Variants in CUL3 observed in about 807,000 individuals in gnomAD.
The protein encoded by CUL3 is cullin 3.
In CUL3, 19 loss-of-function variants were observed where a neutral mutation model predicts 89.1. The observed-to-expected ratio is 0.21, with a 90% CI of 0.15 to 0.31. The LOEUF (loss-of-function observed/expected upper bound fraction) is 0.31. Ranked by LOEUF, CUL3 falls within the 10% of genes least tolerant of loss-of-function variation. CUL3 has a pLI of 1.00. For synonymous variants in CUL3, 351 were observed against 308.4 expected (o/e 1.14, Z -1.45); for missense variants, 469 against 942.3 (o/e 0.50, Z 6.58).
intron 13 of CUL3, chr2:224,495,387 T>C (rs1417694313): frequency 1.3e-5 from 2 of 153,260 alleles, no homozygotes; most frequent in Non-Finnish European, 2.9e-5. Flanking sequence ...ACAGACAACA[T>C]GTATGATTCC....
rs1354847441 is a variant in CUL3 at position 224,495,898 on chromosome 2, C to T, written c.1776G>A (p.Leu592=). The T allele has an allele frequency of 1.9e-6, 3 of 1,613,684 alleles. No individual in the cohort carries two copies. ...TGGTCATCTGGAAAGTGGAAACTTGCAATATGTGCTTCCGTGTATTAGAGC... is the reference window on the plus strand; with the variant it reads ...TGGTCATCTGGAAAGTGGAAACTTGTAATATGTGCTTCCGTGTATTAGAGC... ...VTGSNTRKHI[L]QVSTFQMTIL... is the part of the protein sequence containing the mutation. Residue 592 remains leucine, a synonymous_variant, in exon 13 of 16, where the codon TTG becomes TTA. Coordinates refer to ENST00000264414, the MANE Select transcript of CUL3 (RefSeq NM_003590.5).
chr2:224,474,415 T>C, intron 15 of CUL3, 39 bp from the exon 16 acceptor site: 1 of 1,562,978 alleles, frequency 6.4e-7, no homozygotes, highest in African/African-American at 1.4e-5. Flanking sequence ...TATAAACACA[T>C]AAAAATTCGT....
intron 14 of CUL3, chr2:224,479,245 G>A (rs1691440877): frequency 6.6e-6 from 1 of 152,036 alleles, no homozygotes; most frequent in Admixed American, 6.6e-5. Context: ...GTACAATTTA[G>A]AAGATCATTC....
At chr2:224,503,308 T>TA (rs1317368286) in intron 9 of CUL3, among the ~76,000 whole-genome samples, 2 of 152,208 alleles carry the variant, frequency 1.3e-5, no homozygotes, top group Non-Finnish European at 2.9e-5. Context: ...GAACTGTTTT[T>TA]AACTAGCATC....
In CUL3 at chr2:224,556,907, A is replaced by G. The variant is rs572254985; in HGVS notation, c.264+752T>C. On this transcript the variant is annotated intron_variant, in intron 2 of 15. Transcript: ENST00000264414. ...ACTGGTGAATCTAGGTGAAGGGTAC[A>G]CAAGAGTTCACATCGTGCTATTCAT... Among the ~76,000 whole-genome samples the G allele has an allele frequency of 2.4e-4, 36 of 152,248 alleles. 1 individual carries two copies. The highest frequency in any genetic ancestry group is 2.2e-3 in the Admixed American group (33 of 15,294).
At chr2:224,505,711 T>C (rs1692573709) in intron 8 of CUL3, 3 of 228,700 alleles carry the variant, frequency 1.3e-5, no homozygotes, top group Non-Finnish European at 2.5e-5. Flanking sequence ...GCTGGGATTA[T>C]AGGCATGAGC....
intron 6 of CUL3, among the ~76,000 whole-genome samples, chr2:224,507,923 T>C (rs1028950096): frequency 2.0e-5 from 3 of 152,172 alleles, no homozygotes; most frequent in Non-Finnish European, 2.9e-5. Context: ...ACCAATGTTT[T>C]TTCTGTAAAG....
chr2:224,575,246 G>C (rs1574708510), intron 1 of CUL3, among the ~76,000 whole-genome samples: 1 of 152,166 alleles, frequency 6.6e-6, no homozygotes, highest in South Asian at 2.1e-4. Context: ...TTAAAGTTTG[G>C]AATAGCTCAG....
intron 4 of CUL3, 109 bp from the exon 5 acceptor site, chr2:224,513,747 T>C: frequency 1.4e-6 from 1 of 726,164 alleles, no homozygotes; most frequent in South Asian, 2.0e-5. Context: ...TAACTCTTAC[T>C]GAAGTGACCA....
chr2:224,526,445 A>T (rs1402504924), intron 3 of CUL3, among the ~76,000 whole-genome samples: 4 of 151,604 alleles, frequency 2.6e-5, no homozygotes, highest in Non-Finnish European at 5.9e-5. Flanking sequence ...AATTAGCTGG[A>T]CGTGGTGGTG....
chr2:224,544,075 C>G (rs1694211615), intron 2 of CUL3, among the ~76,000 whole-genome samples: 1 of 152,118 alleles, frequency 6.6e-6, no homozygotes, highest in Non-Finnish European at 1.5e-5. Flanking sequence ...AGGGAAGTCA[C>G]TAACTAAGGG....
In CUL3 at chr2:224,585,058, C is replaced by G; in HGVS notation, c.-49G>C. ...CGGCTTCAGGTCGCGCTCCGCGACG[C>G]CGGTGTCACATTTAAGGCGGGCAGG... On this transcript the variant is annotated 5_prime_UTR_variant, in exon 1 of 16. Transcript: ENST00000264414. 7.0e-7 allele frequency: 1 copy of G among 1,425,458 alleles called. No homozygotes were observed. The highest frequency in any genetic ancestry group is 9.4e-7 in the Non-Finnish European group (1 of 1,063,394). The allele number at this position is 1,425,458 out of a possible 1,614,324, so 88.3% of individuals were successfully genotyped here. A position where few individuals can be genotyped will look rare whatever the true frequency, so the allele number is the denominator to read the frequency against.
intron 3 of CUL3, among the ~76,000 whole-genome samples, chr2:224,529,499 G>A (rs989719884): frequency 2.0e-5 from 3 of 151,402 alleles, no homozygotes; most frequent in Non-Finnish European, 4.4e-5. Context: ...TGTGGTGGTG[G>A]GTGCCTGTAG....
chr2:224,527,712 A>G (rs1390434074), intron 3 of CUL3, among the ~76,000 whole-genome samples: 1 of 152,168 alleles, frequency 6.6e-6, no homozygotes, highest in Non-Finnish European at 1.5e-5. Context: ...CTACTTTGTT[A>G]CACTTGAACG....
chr2:224,583,134 T>C (rs896755230), intron 1 of CUL3, among the ~76,000 whole-genome samples: 1 of 152,162 alleles, frequency 6.6e-6, no homozygotes, highest in African/African-American at 2.4e-5. Context: ...ATCCCAGCAC[T>C]TTGGGAGGCC....
At chr2:224,552,292 TA>T (rs1298615258) in intron 2 of CUL3, among the ~76,000 whole-genome samples, 2 of 152,238 alleles carry the variant, frequency 1.3e-5, no homozygotes, top group Non-Finnish European at 2.9e-5. Context: ...TTTCATTTTC[TA>T]AACCAAGATT....
chr2:224,490,851 A>G (rs1401238658), intron 13 of CUL3, among the ~76,000 whole-genome samples: 1 of 152,226 alleles, frequency 6.6e-6, no homozygotes, highest in Non-Finnish European at 1.5e-5. Flanking sequence ...ATAACAGAGA[A>G]TACAACCGGA....
chr2:224,503,801 T>C lies in CUL3; in HGVS notation c.1228A>G (p.Thr410Ala), dbSNP rs2106197558. Residue 410 changes from threonine to alanine, a missense_variant, in exon 9 of 16, where the codon ACA (threonine) becomes GCA (alanine). Around this residue, in one of 4 missense-constraint regions of CUL3, gnomAD observed 370 missense variants for 733.2 expected, o/e 0.50. Transcript: ENST00000264414. ...AGGACCATTGCTTTATCCAATATTG[T>C]TTCTACTTCTTGTTCTGTTAGCTGC... ...VKGLTEQEVE[T>A]ILDKAMVLFR... is the part of the protein sequence containing the mutation. 1.9e-6 allele frequency: 3 copies of C among 1,568,012 alleles called. No individual in the cohort carries two copies. The highest frequency in any genetic ancestry group is 1.7e-6 in the Non-Finnish European group (2 of 1,162,902).
At chr2:224,482,513 A>C (rs1691571402) in intron 13 of CUL3, among the ~76,000 whole-genome samples, 1 of 152,116 alleles carries the variant, frequency 6.6e-6, no homozygotes, top group Admixed American at 6.6e-5. Flanking sequence ...GGTAAGCCTG[A>C]GCTCAGGCCT....
Sources: gnomAD v4.1 joint callset for allele counts (sites outside exome capture counted in the v4.1 genomes callset) on GRCh38, gnomAD v4.1.1 for gene constraint, gnomAD v4.1.1 regional missense constraint, MANE v1.5 for transcripts, NCBI Gene and HGNC (gene_info 2026-07-23, HGNC 2026-07-21) for gene names.